RTF1: variants seen among roughly 807,000 people sequenced by gnomAD.
RTF1 encodes RNA polymerase-associated protein RTF1 homolog.
RTF1 carries 10 observed loss-of-function variants against 95.7 expected under a neutral mutation model. The observed-to-expected ratio is 0.10, with a 90% CI of 0.06 to 0.18. The LOEUF is 0.18. RTF1 is among the 10% of genes least tolerant of loss of function. The probability of loss-of-function intolerance (pLI) is 1.00; values close to 1 mark genes in which losing one functional copy is unlikely to be tolerated. For missense variants in RTF1, 458 were observed against 875.6 expected, an observed-to-expected ratio of 0.52 and a Z score of 6.02; for synonymous variants, 305 against 311.8, an observed-to-expected ratio of 0.98 and a Z score of 0.23.
intron 1 of RTF1, among the ~76,000 whole-genome samples, chr15:41,431,898 T>G (rs2050676886): frequency 1.3e-5 from 2 of 151,810 alleles, no homozygotes; most frequent in Admixed American, 1.3e-4. Context: ...CCTGCCAGGT[T>G]GAAGTGATTC....
intron 1 of RTF1, among the ~76,000 whole-genome samples, chr15:41,418,867 T>A (rs113392410): frequency 0.033 from 5,026 of 152,054 alleles, 105 homozygotes; most frequent in Middle Eastern, 0.088. Context: ...TTATTTATTT[T>A]TTTTTGAGAC....
chr15:41,445,425 A>G (rs1212639143), intron 2 of RTF1, among the ~76,000 whole-genome samples: 5 of 152,138 alleles, frequency 3.3e-5, no homozygotes, highest in Admixed American at 6.6e-5. Flanking sequence ...GTAATGTAGT[A>G]TTAATTATAT....
At chr15:41,445,264 C>G (rs922732058) in intron 2 of RTF1, among the ~76,000 whole-genome samples, 2 of 152,142 alleles carry the variant, frequency 1.3e-5, no homozygotes, top group Non-Finnish European at 2.9e-5. Context: ...CATATTGGCT[C>G]TTAACTGTGT....
At chr15:41,460,271 C>T (rs372863207) in intron 4 of RTF1, among the ~76,000 whole-genome samples, 13 of 151,424 alleles carry the variant, frequency 8.6e-5, no homozygotes, top group South Asian at 4.2e-4. Flanking sequence ...TACAGACGCC[C>T]GCCACAACGC....
At position 41,481,245 on chromosome 15, in the gene RTF1, G is replaced by C. The variant is rs541928746; in HGVS notation, c.*558G>C. ...TAGTTTCCAAAAAGTGTACATTTGT[G>C]GGGGGGGGGGGTCTAATTTGAGAGC... On this transcript the variant is annotated 3_prime_UTR_variant, in exon 18 of 18. Transcript: ENST00000389629. 4 of 37,320 alleles carry C rather than the reference G, an allele frequency of 1.1e-4. No individual in the cohort carries two copies. Among genetic ancestry groups the C allele is most frequent in the Admixed American group, 2.3e-4 (1 of 4,284 alleles). 2.3% of individuals were successfully genotyped at this position (37,320 alleles called of 1,614,324 possible).
chr15:41,438,580 G>A (rs1254379330), intron 2 of RTF1, 149 bp downstream of exon 2: 3 of 524,562 alleles, frequency 5.7e-6, no homozygotes, highest in African/African-American at 3.8e-5. Flanking sequence ...TGTAAGGAAG[G>A]CCGGGCGCTG....
intron 13 of RTF1, 23 bp from the exon 14 acceptor site, chr15:41,477,435 G>A: frequency 6.2e-7 from 1 of 1,614,102 alleles, no homozygotes; most frequent in Non-Finnish European, 8.5e-7. Context: ...CACAGCCACT[G>A]ACTCATCCCT....
intron 6 of RTF1, among the ~76,000 whole-genome samples, chr15:41,469,231 G>GTGCA (rs2050896943): frequency 6.6e-6 from 1 of 151,992 alleles, no homozygotes; most frequent in Non-Finnish European, 1.5e-5. Context: ...GCCTCCCAAA[G>GTGCA]TGCATGAGCC....
intron 1 of RTF1, among the ~76,000 whole-genome samples, chr15:41,434,747 C>A (rs1244567133): frequency 1.3e-5 from 2 of 151,212 alleles, no homozygotes; most frequent in East Asian, 3.9e-4. Flanking sequence ...CCTGCCTCAG[C>A]CTCCCGAGTA....
intron 7 of RTF1, 72 bp downstream of exon 7, chr15:41,470,464 C>A: frequency 1.3e-6 from 2 of 1,518,984 alleles, no homozygotes; most frequent in South Asian, 1.1e-5. Context: ...GTATCGTTTC[C>A]AAAATCTCCC....
At chr15:41,452,096 A>G (rs1434666699) in intron 2 of RTF1, among the ~76,000 whole-genome samples, 1 of 152,188 alleles carries the variant, frequency 6.6e-6, no homozygotes, top group Non-Finnish European at 1.5e-5. Flanking sequence ...CTTGTTTCTA[A>G]GAGATTCCAG....
chr15:41,439,701 G>A (rs2140952269), intron 2 of RTF1, among the ~76,000 whole-genome samples: 1 of 152,248 alleles, frequency 6.6e-6, no homozygotes, highest in South Asian at 2.1e-4. Context: ...GCCCAGGCCA[G>A]AGTGCAACGG....
intron 1 of RTF1, among the ~76,000 whole-genome samples, chr15:41,418,986 G>A (rs1303558052): frequency 6.6e-6 from 1 of 152,090 alleles, no homozygotes; most frequent in Non-Finnish European, 1.5e-5. Context: ...AGGAGGTGCT[G>A]TAGAAAGAAG....
chr15:41,455,292 G>A (rs1164589506), intron 3 of RTF1, among the ~76,000 whole-genome samples: 11 of 148,462 alleles, frequency 7.4e-5, no homozygotes, highest in Non-Finnish European at 5.9e-5. Context: ...CCAGCCTGGT[G>A]ACAGAGTGAG....
intron 2 of RTF1, among the ~76,000 whole-genome samples, chr15:41,442,484 G>C (rs148056033): frequency 2.6e-5 from 4 of 151,724 alleles, no homozygotes; most frequent in African/African-American, 7.3e-5. Flanking sequence ...TACGTCTTTC[G>C]TGGGTGAAAA....
chr15:41,466,395 A>G (rs1020983760), intron 6 of RTF1, 143 bp downstream of exon 6: 6 of 481,514 alleles, frequency 1.2e-5, no homozygotes, highest in Non-Finnish European at 2.2e-5. Flanking sequence ...CCACAAACCC[A>G]TCATCCAGCC....
In RTF1 at chr15:41,417,320, G is replaced by T; in HGVS notation, c.198+7G>T. The T allele has an allele frequency of 8.0e-7, 1 of 1,246,968 alleles. No individual in the cohort carries two copies. The highest frequency in any genetic ancestry group is 4.1e-5 in the South Asian group (1 of 24,446). 77.2% of individuals were successfully genotyped at this position (1,246,968 alleles called of 1,614,324 possible). On this transcript the variant is annotated splice_region_variant and intron_variant, in intron 1 of 17. Coordinates refer to ENST00000389629, the MANE Select transcript of RTF1 (RefSeq NM_015138.5). Reference sequence around the variant, plus strand: ...CGACGAGAACCTGGATCAGGTGAGGGCAGGCCGCGGAGGCGCGGGCCGGCG... The same window carrying T: ...CGACGAGAACCTGGATCAGGTGAGGTCAGGCCGCGGAGGCGCGGGCCGGCG...
rs191546283 is a variant in RTF1 at position 41,444,092 on chromosome 15, A to G, written c.309+5661A>G. On this transcript the variant is annotated intron_variant, in intron 2 of 17. Coordinates refer to ENST00000389629, the MANE Select transcript of RTF1 (RefSeq NM_015138.5). ...CAAAAAAAAACAAAGAAAAAGAAAA[A>G]TTAAAAAAAAATTTTTTTTAATACA... 2.7e-3 allele frequency among the ~76,000 whole-genome samples: 413 copies of G among 150,698 alleles called. 1 individual carries two copies. Among genetic ancestry groups the G allele is most frequent in the African/African-American group, 9.5e-3 (391 of 41,114 alleles).
chr15:41,469,241 C>T (rs1595438641), intron 6 of RTF1, among the ~76,000 whole-genome samples: 1 of 151,916 alleles, frequency 6.6e-6, no homozygotes, highest in African/African-American at 2.4e-5. Flanking sequence ...GTGCATGAGC[C>T]AACACTCCCA....
Sources: allele counts gnomAD v4.1 joint callset (sites outside exome capture counted in the v4.1 genomes callset), GRCh38; gene constraint gnomAD v4.1.1; transcripts MANE v1.5; gene names NCBI Gene and HGNC (gene_info 2026-07-23, HGNC 2026-07-21).